Variants in RPS6KL1 observed in about 807,000 individuals in gnomAD.
RPS6KL1 encodes ribosomal protein S6 kinase like 1, also known as ribosomal protein S6 kinase-like 1.
RPS6KL1 carries 41 observed loss-of-function variants against 57.0 expected under a neutral mutation model. The observed-to-expected ratio is 0.72, with a 90% confidence interval of 0.56 to 0.93. The LOEUF (loss-of-function observed/expected upper bound fraction) is 0.93. RPS6KL1 is among the 40% of genes least tolerant of loss of function. The probability of loss-of-function intolerance (pLI) is 0.00; values close to 1 mark genes in which losing one functional copy is unlikely to be tolerated. For synonymous variants in RPS6KL1, 287 were observed against 309.7 expected (o/e 0.93, Z 0.77); for missense variants, 697 against 727.7 (o/e 0.96, Z 0.49).
chr14:74,915,820 C>CA (rs901269103), intron 5 of RPS6KL1, among the ~76,000 whole-genome samples: 48 of 152,058 alleles, frequency 3.2e-4, no homozygotes, highest in African/African-American at 7.7e-4. Flanking sequence ...AAACAAACAA[C>CA]AAAAAAAACA....
intron 2 of RPS6KL1, 191 bp from the exon 3 acceptor site, chr14:74,921,752 C>T (rs1034750366): frequency 1.0e-4 from 140 of 1,395,924 alleles, no homozygotes; most frequent in South Asian, 9.9e-4. Flanking sequence ...AGAATCATAA[C>T]CAGCTCAGGA....
At chr14:74,911,654 G>T (rs1886016552) in intron 6 of RPS6KL1, 140 bp downstream of exon 6, 7 of 800,736 alleles carry the variant, frequency 8.7e-6, no homozygotes, top group Non-Finnish European at 1.4e-5. Context: ...CATCTGGAAA[G>T]TGGGGCATGT....
intron 5 of RPS6KL1, among the ~76,000 whole-genome samples, chr14:74,915,553 C>G (rs1194955592): frequency 4.6e-5 from 7 of 152,102 alleles, no homozygotes; most frequent in Admixed American, 2.0e-4. Flanking sequence ...AACAAACAAG[C>G]CTAAAGGTTT....
In RPS6KL1 at chr14:74,909,589, C is replaced by T. The variant is rs781076479; in HGVS notation, c.1224G>A (p.Val408=). The T allele has an allele frequency of 2.5e-6, 4 of 1,612,202 alleles. No individual in the cohort carries two copies. The South Asian group carries it at 3.3e-5, about 13-fold the overall frequency. Residue 408 remains valine (V), a synonymous_variant, in exon 8 of 12, where the codon GTG becomes GTA. Coordinates refer to ENST00000557413, the MANE Select transcript of RPS6KL1 (RefSeq NM_031464.5). ...TCCCGGGGTGGAGGTCCCGGCACAG[C>T]ACCCCCTGCTCGTGCAGCGCCTCCA... ...VALEALHEQG[V]LCRDLHPGNL...
chr14:74,908,756 C>T, intron 10 of RPS6KL1, 94 bp downstream of exon 10: 2 of 1,100,646 alleles, frequency 1.8e-6, no homozygotes, highest in Admixed American at 1.7e-5. Flanking sequence ...GACAGCCAGG[C>T]AGTCTCTGCC....
At chr14:74,916,530 A>G (rs1361065006) in intron 5 of RPS6KL1, among the ~76,000 whole-genome samples, 1 of 152,194 alleles carries the variant, frequency 6.6e-6, no homozygotes, top group East Asian at 1.9e-4. Context: ...TCTACAAAAA[A>G]TAGAAGACAA....
At chr14:74,912,821 T>C (rs1301087234) in intron 5 of RPS6KL1, among the ~76,000 whole-genome samples, 2 of 152,260 alleles carry the variant, frequency 1.3e-5, no homozygotes, top group African/African-American at 4.8e-5. Context: ...TTGTGTTGGT[T>C]TCCATTAGAG....
rs1475430441 is a variant in RPS6KL1, at chr14:74,904,482, G to A, written c.*2532C>T. On this transcript the variant is annotated 3_prime_UTR_variant, in exon 12 of 12. Transcript: ENST00000557413. ...TTCAGGTTAACTTTGGAATACCCTT[G>A]ACTGAGACGAGGGGTCCATACAGAT... 1 of 152,204 alleles carries A rather than the reference G, an allele frequency of 6.6e-6. No homozygotes were observed. 9.4% of individuals were successfully genotyped at this position (152,204 alleles called of 1,614,324 possible). A position where few individuals can be genotyped will look rare whatever the true frequency, so the allele number is the denominator to read the frequency against.
At chr14:74,917,359 C>T (rs912271016) in intron 5 of RPS6KL1, among the ~76,000 whole-genome samples, 3 of 152,316 alleles carry the variant, frequency 2.0e-5, no homozygotes, top group South Asian at 2.1e-4. Context: ...GTGCCCAGCG[C>T]GGGGCCTTCC....
intron 2 of RPS6KL1, chr14:74,921,775 T>TAC (rs1887888486): frequency 2.5e-6 from 3 of 1,210,312 alleles, no homozygotes; most frequent in Non-Finnish European, 3.1e-6. Context: ...CTGTTTTCTT[T>TAC]TCTTTTTTTT....
In RPS6KL1 at chr14:74,911,265, T is replaced by G; in HGVS notation, c.647A>C (p.His216Pro). ...YFVSEDSIFLHLEHVQGGTLW... is the reference protein window; with the variant it reads ...YFVSEDSIFLPLEHVQGGTLW... ...CTGCTCACCTTGCACATGCTCCAGG[T>G]GCAGGAAGATGGAGTCCTCGCTCAC... Residue 216 changes from histidine to proline, a missense_variant, in exon 7 of 12, where the codon CAC (histidine) becomes CCC (proline). By Grantham distance (77) the His-to-Pro change is moderately conservative. Transcript: ENST00000557413. 6.2e-7 allele frequency: 1 copy of G among 1,612,390 alleles called. No individual in the cohort carries two copies. Among genetic ancestry groups the G allele is most frequent in the Non-Finnish European group, 8.5e-7 (1 of 1,179,970 alleles).
In RPS6KL1 at chr14:74,914,566, T is replaced by C. The variant is rs144987078; in HGVS notation, c.484-2725A>G. ...TGGAGTTCGGCAGGATTCAGGGGATTTTCTTTTTCTTCTCCTTTTTCTTTC... is the reference window on the plus strand; with the variant it reads ...TGGAGTTCGGCAGGATTCAGGGGATCTTCTTTTTCTTCTCCTTTTTCTTTC... On this transcript the variant is annotated intron_variant, in intron 5 of 11. Coordinates refer to ENST00000557413, the MANE Select transcript of RPS6KL1 (RefSeq NM_031464.5). Among the ~76,000 whole-genome samples the C allele has an allele frequency of 6.6e-5, 10 of 152,340 alleles. 1 individual carries two copies. Among genetic ancestry groups the C allele is most frequent in the African/African-American group, 2.4e-4 (10 of 41,584 alleles).
rs1453992694 is a variant in RPS6KL1 at position 74,904,137 on chromosome 14, G to A, written c.*2877C>T. On this transcript the variant is annotated 3_prime_UTR_variant, in exon 12 of 12. Transcript: ENST00000557413. ...GTACATGTAAGATGTACAGTGGTTT[G>A]GTCTGGAGAGGCAGGACAGCTCAAG... is the stretch of plus-strand genomic sequence containing the variant. 2 of 152,220 alleles carry A rather than the reference G, an allele frequency of 1.3e-5. No individual in the cohort carries two copies. Among genetic ancestry groups the A allele is most frequent in the East Asian group, 3.8e-4 (2 of 5,200 alleles). 9.4% of individuals were successfully genotyped at this position (152,220 alleles called of 1,614,324 possible). A position where few individuals can be genotyped will look rare whatever the true frequency, so the allele number is the denominator to read the frequency against.
rs80349250 is a variant in RPS6KL1, at chr14:74,922,883, G to A, written c.-529+297C>T. ...CTCAGCCGGCGGGGAGCTGAATCCC[G>A]GCCAGGATGCGGCCAGGAGGCAGAG... is the stretch of plus-strand genomic sequence containing the variant. On this transcript the variant is annotated intron_variant, in intron 1 of 11. Transcript: ENST00000557413. Among the ~76,000 whole-genome samples the A allele has an allele frequency of 8.6e-3, 1,308 of 152,306 alleles. 52 individuals carry two copies. The highest frequency in any genetic ancestry group is 0.06 in the Admixed American group (917 of 15,306).
rs755976139 is a variant in RPS6KL1, at chr14:74,919,052, G to A, written c.391-447C>T. Among the ~76,000 whole-genome samples, 124 of 152,250 alleles carry A rather than the reference G, an allele frequency of 8.1e-4. 1 individual carries two copies. The highest frequency in any genetic ancestry group is 1.8e-4 in the Non-Finnish European group (12 of 68,036). On this transcript the variant is annotated intron_variant, in intron 4 of 11. Coordinates refer to ENST00000557413, the MANE Select transcript of RPS6KL1 (RefSeq NM_031464.5). ...TAGCCGAGCATGGTGGCGCCTGCCT[G>A]TAACTCCAGCTACTTGGGAGGCTGA...
At chr14:74,912,609 G>A (rs1886201204) in intron 5 of RPS6KL1, among the ~76,000 whole-genome samples, 1 of 152,130 alleles carries the variant, frequency 6.6e-6, no homozygotes, top group African/African-American at 2.4e-5. Context: ...TCTCCCCAGC[G>A]CAGCCATGTT....
rs1167481671 is a variant in RPS6KL1 at position 74,922,228 on chromosome 14, C to T, written c.-271G>A. The T allele has an allele frequency of 9.1e-6, 9 of 986,366 alleles. No homozygotes were observed. The South Asian group carries it at 1.4e-4, about 15-fold the overall frequency. The allele number at this position is 986,366 out of a possible 1,614,324, so 61.1% of individuals were successfully genotyped here. A position where few individuals can be genotyped will look rare whatever the true frequency, so the allele number is the denominator to read the frequency against. On this transcript the variant is annotated 5_prime_UTR_variant, in exon 2 of 12. Transcript: ENST00000557413. ...CGTAGAGCAAGCTTGGTATCCAGTA[C>T]GCATTCAGCACATGGAGGCCACACA...
chr14:74,911,251 G>A lies in RPS6KL1; in HGVS notation c.661C>T (p.Gln221Ter), dbSNP rs770313730. The A allele has an allele frequency of 1.9e-6, 3 of 1,611,748 alleles. No homozygotes were observed. In the Admixed American group the frequency reaches 5.0e-5, roughly 27 times the overall value. The change falls in exon 7 of 12, where the codon CAA (glutamine) becomes TAA (stop). Residue 221 changes from glutamine to a stop codon, truncating the protein, a stop_gained. Coordinates refer to ENST00000557413, the MANE Select transcript of RPS6KL1 (RefSeq NM_031464.5). LOFTEE classifies it high-confidence loss of function. Reference sequence around the variant, plus strand: ...AGGGGGCCCCAGGCCTGCTCACCTTGCACATGCTCCAGGTGCAGGAAGATG... The same window carrying A: ...AGGGGGCCCCAGGCCTGCTCACCTTACACATGCTCCAGGTGCAGGAAGATG... ...DSIFLHLEHV[Q>*]GGTLWSHLLS...
At chr14:74,918,772 TGGCCTTTACCGATA>T in intron 4 of RPS6KL1, among the ~76,000 whole-genome samples, 167 bp from the exon 5 acceptor site, 1 of 152,284 alleles carries the variant, frequency 6.6e-6, no homozygotes, top group African/African-American at 2.4e-5. Context: ...GTGGAAAAGC[TGGCCTTTACCGATA>T]GGCACCCATA....
Sources: allele counts gnomAD v4.1 joint callset (sites outside exome capture counted in the v4.1 genomes callset), GRCh38; gene constraint gnomAD v4.1.1; transcripts MANE v1.5; gene names NCBI Gene and HGNC (gene_info 2026-07-23, HGNC 2026-07-21).